CSMD1: variants seen among roughly 807,000 people sequenced by gnomAD.
The protein encoded by CSMD1 is CUB and sushi domain-containing protein 1.
Under a neutral mutation model 417.5 loss-of-function variants are expected in CSMD1, and 213 were observed. The ratio of observed to expected loss-of-function variants is 0.51; its 90% confidence interval spans 0.46 to 0.57. CSMD1 has a LOEUF of 0.57. Among genes scored for constraint, CSMD1 ranks in the 20% least tolerant of loss-of-function variants. The pLI, the probability that CSMD1 is intolerant of heterozygous loss-of-function variation, is 0.00. For missense variants in CSMD1, 6,923 were observed against 4,529.7 expected (o/e 1.53, Z -15.17); for synonymous variants, 2,862 against 1,736.8 (o/e 1.65, Z -16.11).
intron 5 of CSMD1, among the ~76,000 whole-genome samples, chr8:3,935,731 T>TG (rs1563228818): frequency 6.6e-6 from 1 of 152,156 alleles, no homozygotes; most frequent in African/African-American, 2.4e-5. Context: ...CCTCCTTCAT[T>TG]GGGCCTCGCT....
At chr8:3,895,796 C>T (rs747601710) in intron 5 of CSMD1, among the ~76,000 whole-genome samples, 1 of 152,204 alleles carries the variant, frequency 6.6e-6, no homozygotes, top group Non-Finnish European at 1.5e-5. Context: ...ACTCTTCACA[C>T]TCCAGTTGTA....
intron 1 of CSMD1, among the ~76,000 whole-genome samples, chr8:4,894,951 G>C (rs1214308836): frequency 6.6e-6 from 1 of 152,140 alleles, no homozygotes; most frequent in Non-Finnish European, 1.5e-5. Context: ...GAATCAAATG[G>C]CTGAGGTTCA....
intron 10 of CSMD1, among the ~76,000 whole-genome samples, chr8:3,528,078 G>A (rs1386962622): frequency 6.6e-6 from 1 of 152,090 alleles, no homozygotes; most frequent in Non-Finnish European, 1.5e-5. Context: ...CCCCATATAA[G>A]AACCACTGAT....
At chr8:4,855,869 A>C (rs924278868) in intron 1 of CSMD1, among the ~76,000 whole-genome samples, 3 of 150,904 alleles carry the variant, frequency 2.0e-5, no homozygotes, top group South Asian at 2.1e-4. Flanking sequence ...AACTTCCCCA[A>C]TCTAGCAAGG....
intron 3 of CSMD1, among the ~76,000 whole-genome samples, chr8:4,357,152 CAAAT>C (rs1289069979): frequency 6.6e-6 from 1 of 152,140 alleles, no homozygotes; most frequent in Non-Finnish European, 1.5e-5. Flanking sequence ...TATATGATCT[CAAAT>C]AAAATATGGT....
chr8:4,059,795 T>C (rs1185949865), intron 3 of CSMD1, among the ~76,000 whole-genome samples: 2 of 151,814 alleles, frequency 1.3e-5, no homozygotes, highest in East Asian at 1.9e-4. Context: ...ATTGTGGCAA[T>C]AATCAATAGC....
intron 7 of CSMD1, among the ~76,000 whole-genome samples, chr8:3,693,781 A>G (rs1800385526): frequency 6.6e-6 from 1 of 151,712 alleles, no homozygotes; most frequent in African/African-American, 2.4e-5. Context: ...TATTGAATAT[A>G]GATGTGTGTT....
At chr8:4,621,615 G>C (rs1279436545) in intron 2 of CSMD1, among the ~76,000 whole-genome samples, 1 of 151,848 alleles carries the variant, frequency 6.6e-6, no homozygotes, top group Admixed American at 6.6e-5. Flanking sequence ...ATTTTATCTA[G>C]AAATCACATC....
intron 10 of CSMD1, among the ~76,000 whole-genome samples, chr8:3,500,439 G>A (rs1055115167): frequency 2.6e-5 from 4 of 152,056 alleles, no homozygotes; most frequent in African/African-American, 9.7e-5. Context: ...CAGAAATGGG[G>A]GTCCCTAACC....
At chr8:3,877,966 T>A (rs1805941865) in intron 5 of CSMD1, among the ~76,000 whole-genome samples, 1 of 147,840 alleles carries the variant, frequency 6.8e-6, no homozygotes, top group Non-Finnish European at 1.5e-5. Flanking sequence ...CATGCAAAGT[T>A]TTTTTTTTTT....
chr8:4,608,810 G>A (rs963296913), intron 2 of CSMD1, among the ~76,000 whole-genome samples: 4 of 152,188 alleles, frequency 2.6e-5, no homozygotes, highest in African/African-American at 9.7e-5. Context: ...CACATGATAA[G>A]CATGCTAAGG....
intron 10 of CSMD1, among the ~76,000 whole-genome samples, chr8:3,568,707 G>C (rs538105291): frequency 6.6e-6 from 1 of 151,942 alleles, no homozygotes; most frequent in South Asian, 2.1e-4. Context: ...ATATAGGTGT[G>C]TGTGTTTATC....
At chr8:4,858,996 C>G (rs1050304041) in intron 1 of CSMD1, among the ~76,000 whole-genome samples, 2 of 150,302 alleles carry the variant, frequency 1.3e-5, no homozygotes, top group African/African-American at 2.4e-5. Flanking sequence ...GGAGGCATCA[C>G]GCTACCTGAC....
chr8:4,223,123 C>G (rs985825844), intron 3 of CSMD1, among the ~76,000 whole-genome samples: 1 of 148,898 alleles, frequency 6.7e-6, no homozygotes, highest in South Asian at 2.2e-4. Context: ...TAGCAAGTGG[C>G]TCAGTAAGAC....
At chr8:4,863,941 CCT>C (rs1310528248) in intron 1 of CSMD1, among the ~76,000 whole-genome samples, 4 of 131,482 alleles carry the variant, frequency 3.0e-5, no homozygotes, top group African/African-American at 5.6e-5. Context: ...ATAAATAAAT[CCT>C]AAAATAAATG....
At chr8:4,966,209 C>CAAAAAAAAAAAAAAAAAA (rs33941630) in intron 1 of CSMD1, among the ~76,000 whole-genome samples, 2 of 89,120 alleles carry the variant, frequency 2.2e-5, no homozygotes, top group African/African-American at 8.2e-5. Context: ...ACTAAATATA[C>CAAAAAAAAAAAAAAAAAA]AAAAAAAAAA....
At chr8:4,315,030 C>G (rs1361310119) in intron 3 of CSMD1, among the ~76,000 whole-genome samples, 1 of 152,142 alleles carries the variant, frequency 6.6e-6, no homozygotes, top group Non-Finnish European at 1.5e-5. Context: ...GGTCCCTCTT[C>G]TAATCATGAC....
At chr8:4,707,070 G>T (rs918618335) in intron 1 of CSMD1, among the ~76,000 whole-genome samples, 2 of 152,142 alleles carry the variant, frequency 1.3e-5, no homozygotes, top group Admixed American at 6.5e-5. Context: ...CTGAGATTAG[G>T]AAAGATCACC....
chr8:4,716,251 C>T (rs1356946321), intron 1 of CSMD1, among the ~76,000 whole-genome samples: 29 of 152,196 alleles, frequency 1.9e-4, no homozygotes, highest in Non-Finnish European at 1.5e-5. Context: ...CCTTACACTT[C>T]AAGACAATGC....
Sources: allele counts gnomAD v4.1 joint callset (sites outside exome capture counted in the v4.1 genomes callset), GRCh38; gene constraint gnomAD v4.1.1; transcripts MANE v1.5; gene names NCBI Gene and HGNC (gene_info 2026-07-23, HGNC 2026-07-21).